Variants in ATAD2B observed in about 807,000 individuals in gnomAD.
ATAD2B encodes ATPase family AAA domain-containing protein 2B.
Under a neutral mutation model 167.6 loss-of-function variants are expected in ATAD2B, and 40 were observed. That is an observed-to-expected ratio of 0.24 (90% confidence interval 0.19 to 0.31). The LOEUF is 0.31. Among genes scored for constraint, ATAD2B ranks in the 10% least tolerant of loss-of-function variants. The probability of loss-of-function intolerance (pLI) is 1.00; values close to 1 mark genes in which losing one functional copy is unlikely to be tolerated. For missense variants in ATAD2B, 1,242 were observed against 1,757.2 expected (o/e 0.71, Z 5.24); for synonymous variants, 579 against 596.5 (o/e 0.97, Z 0.43).
At chr2:23,774,964 T>C (rs1678863096) in intron 22 of ATAD2B, among the ~76,000 whole-genome samples, 1 of 152,162 alleles carries the variant, frequency 6.6e-6, no homozygotes, top group Non-Finnish European at 1.5e-5. Context: ...CGGCCACATT[T>C]ATTAAGAACA....
rs747887695 is a variant in ATAD2B at position 23,892,395 on chromosome 2, A to G, written c.368+3424T>C. Reference sequence around the variant, plus strand: ...TAGCCAGGATGGTCTCTATCTCCTGACCTCGTGATCCGCCCGCCTCGGCCT... The same window carrying G: ...TAGCCAGGATGGTCTCTATCTCCTGGCCTCGTGATCCGCCCGCCTCGGCCT... On this transcript the variant is annotated intron_variant, in intron 2 of 27. Transcript: ENST00000238789. Among the ~76,000 whole-genome samples, 942 of 150,406 alleles carry G rather than the reference A, an allele frequency of 6.3e-3. 5 individuals are homozygous for G. Among genetic ancestry groups the G allele is most frequent in the Non-Finnish European group, 0.011 (718 of 67,614 alleles).
chr2:23,680,874 G>C, the ATAD2B span, among the ~76,000 whole-genome samples: 1 of 152,148 alleles, frequency 6.6e-6, no homozygotes, highest in Admixed American at 6.5e-5. This position sits in a 1 kb window ranked among gnomAD's most constrained non-coding sequence, Gnocchi z 4.1. Flanking sequence ...AGGGTGCCAG[G>C]TGCTTCTGGA....
chr2:23,788,263 G>A (rs752572223), intron 20 of ATAD2B: 9 of 420,440 alleles, frequency 2.1e-5, no homozygotes, highest in African/African-American at 3.9e-5. Flanking sequence ...CCCATAATGT[G>A]ACATCTACCA....
chr2:23,878,025 A>AAAAAAAAAAAAAAAAAAAAAAC (rs1558714074), intron 7 of ATAD2B, among the ~76,000 whole-genome samples: 1 of 106,972 alleles, frequency 9.3e-6, no homozygotes, highest in Non-Finnish European at 2.1e-5. Context: ...AAAAAAAAAA[A>AAAAAAAAAAAAAAAAAAAAAAC]AAAAAAAAAA....
intron 14 of ATAD2B, chr2:23,832,180 A>G (rs1180042318): frequency 2.1e-6 from 1 of 465,350 alleles, no homozygotes; most frequent in South Asian, 1.6e-5. Flanking sequence ...CTACCAGAAC[A>G]CCCCACTGTC....
intron 1 of ATAD2B, among the ~76,000 whole-genome samples, chr2:23,897,918 G>C (rs1165212085): frequency 6.6e-6 from 1 of 152,174 alleles, no homozygotes; most frequent in African/African-American, 2.4e-5. Flanking sequence ...TCTCAGCAGA[G>C]AGAGCTAAGG....
intron 8 of ATAD2B, chr2:23,872,801 A>G: frequency 3.0e-6 from 3 of 989,836 alleles, no homozygotes. Context: ...GGCATCTAGC[A>G]CTGTCCAGAG....
chr2:23,722,393 TA>T, the ATAD2B span, among the ~76,000 whole-genome samples: 4 of 151,716 alleles, frequency 2.6e-5, no homozygotes, highest in Non-Finnish European at 5.9e-5. Context: ...AACAAAGAGG[TA>T]GTTAACACAA....
chr2:23,742,264 C>A, the ATAD2B span, among the ~76,000 whole-genome samples: 1 of 152,018 alleles, frequency 6.6e-6, no homozygotes, highest in African/African-American at 2.4e-5. Context: ...TGTATGTTTA[C>A]AGCGGCACTA....
chr2:23,906,799 A>G (rs1470234889), intron 1 of ATAD2B, among the ~76,000 whole-genome samples: 1 of 152,022 alleles, frequency 6.6e-6, no homozygotes, highest in African/African-American at 2.4e-5. Context: ...CCTGGGATGC[A>G]AGGCTGGTTC....
At chr2:23,858,853 T>C (rs1693875709) in intron 12 of ATAD2B, among the ~76,000 whole-genome samples, 1 of 152,180 alleles carries the variant, frequency 6.6e-6, no homozygotes, top group Admixed American at 6.5e-5. Flanking sequence ...CCTGTCCCCT[T>C]CTTATGGATA....
At chr2:23,847,510 A>G (rs1691853590) in intron 13 of ATAD2B, among the ~76,000 whole-genome samples, 1 of 151,784 alleles carries the variant, frequency 6.6e-6, no homozygotes, top group Admixed American at 6.6e-5. Flanking sequence ...ATCTCAAAAA[A>G]AAAAGTCAGG....
intron 18 of ATAD2B, among the ~76,000 whole-genome samples, chr2:23,802,719 C>T (rs569470729): frequency 1.3e-5 from 2 of 151,724 alleles, no homozygotes; most frequent in Non-Finnish European, 2.9e-5. Flanking sequence ...CCAAAATATA[C>T]ACAGACTGCT....
intron 8 of ATAD2B, 130 bp from the exon 9 acceptor site, chr2:23,869,891 T>C (rs908156462): frequency 1.4e-5 from 9 of 632,526 alleles, no homozygotes; most frequent in African/African-American, 7.4e-5. Flanking sequence ...TTTACCCTCA[T>C]ACAATTTACA....
At chr2:23,880,850 T>A (rs928697084) in intron 6 of ATAD2B, 95 bp from the exon 7 acceptor site, 28 of 738,762 alleles carry the variant, frequency 3.8e-5, no homozygotes, top group Middle Eastern at 2.5e-4. Flanking sequence ...CTTTATCCAT[T>A]ACTCTTTCTG....
chr2:23,726,539 G>A, the ATAD2B span, among the ~76,000 whole-genome samples: 1 of 152,150 alleles, frequency 6.6e-6, no homozygotes, highest in Non-Finnish European at 1.5e-5. Flanking sequence ...GGAGAGGCAG[G>A]AGGAAGGGGT....
intron 18 of ATAD2B, among the ~76,000 whole-genome samples, chr2:23,800,656 C>T (rs1342307405): frequency 1.3e-5 from 2 of 151,870 alleles, no homozygotes; most frequent in Non-Finnish European, 2.9e-5. Context: ...GTATTGACCC[C>T]ATTAAAAAAT....
rs1477466065 is a variant in ATAD2B at position 23,770,224 on chromosome 2, G to A, written c.3134-4596C>T. Among the ~76,000 whole-genome samples, 5 of 151,886 alleles carry A rather than the reference G, an allele frequency of 3.3e-5. No homozygotes were observed. In the South Asian group the frequency reaches 1.0e-3, roughly 32 times the overall value. On this transcript the variant is annotated intron_variant, in intron 22 of 27. Coordinates refer to ENST00000238789, the MANE Select transcript of ATAD2B (RefSeq NM_017552.4). Reference sequence around the variant, plus strand: ...TCAGCTACTCGGGAGGCTGAGGCAGGAGAATTGCTTAAACCCAGGAGGCGG... The same window carrying A: ...TCAGCTACTCGGGAGGCTGAGGCAGAAGAATTGCTTAAACCCAGGAGGCGG...
intron 22 of ATAD2B, among the ~76,000 whole-genome samples, chr2:23,766,377 T>C (rs999140177): frequency 2.0e-5 from 3 of 152,200 alleles, no homozygotes; most frequent in African/African-American, 7.2e-5. Context: ...TCTAACAGTA[T>C]CAAGAGCAAG....
Sources: allele counts gnomAD v4.1 joint callset (sites outside exome capture counted in the v4.1 genomes callset), GRCh38; gene constraint gnomAD v4.1.1; non-coding constraint Gnocchi (gnomAD v3.1); transcripts MANE v1.5; gene names NCBI Gene and HGNC (gene_info 2026-07-23, HGNC 2026-07-21).